Variants in CCAR2 observed in about 807,000 individuals in gnomAD.
The protein encoded by CCAR2 is cell cycle and apoptosis regulator protein 2.
Under a neutral mutation model 108.1 loss-of-function variants are expected in CCAR2, and 21 were observed. That is an observed-to-expected ratio of 0.19 (90% CI 0.14 to 0.28). The LOEUF (loss-of-function observed/expected upper bound fraction) is 0.28. Ranked by LOEUF, CCAR2 falls within the 10% of genes least tolerant of loss-of-function variation. The probability of loss-of-function intolerance (pLI) is 1.00; values close to 1 mark genes in which losing one functional copy is unlikely to be tolerated. For synonymous variants in CCAR2, 577 were observed against 472.8 expected, an observed-to-expected ratio of 1.22 and a Z score of -2.86; for missense variants, 1,126 against 1,177.0, an observed-to-expected ratio of 0.96 and a Z score of 0.63.
Position 22,619,216 on chromosome 8 carries a change from A to G in CCAR2, c.2588A>G (p.Glu863Gly), listed in dbSNP as rs1801652756. ...AAGACGCTGGCGGCAGAGATGCAGG[A>G]GCTGCGAGTCCGGCTGGCGGAGGCC... ...TNKTLAAEMQ[E>G]LRVRLAEAEE... The change falls in exon 20 of 21, where the codon GAG (glutamate) becomes GGG (glycine). Residue 863 changes from glutamate (E) to glycine (G), a missense_variant. Glu to Gly is a moderately conservative substitution (Grantham distance 98). Coordinates refer to ENST00000308511, the MANE Select transcript of CCAR2 (RefSeq NM_001393997.1). 1.3e-6 allele frequency: 2 copies of G among 1,581,466 alleles called. No individual in the cohort carries two copies. The highest frequency in any genetic ancestry group is 2.7e-5 in the African/African-American group (2 of 74,534).
chr8:22,605,766 C>T lies in CCAR2; in HGVS notation c.-8C>T. ...TCCCCACGACTCTGAAAGAGGACAGCGTTCCCAATGTCCCAGTTTAAGCGC... is the reference window on the plus strand; with the variant it reads ...TCCCCACGACTCTGAAAGAGGACAGTGTTCCCAATGTCCCAGTTTAAGCGC... On this transcript the variant is annotated 5_prime_UTR_variant, in exon 2 of 21. Transcript: ENST00000308511. The T allele has an allele frequency of 1.2e-6, 2 of 1,612,740 alleles. No individual in the cohort carries two copies. The highest frequency in any genetic ancestry group is 1.7e-6 in the Non-Finnish European group (2 of 1,178,876).
At position 22,614,518 on chromosome 8, in the gene CCAR2, G is replaced by A; in HGVS notation, c.1041+15G>A. 1 of 1,606,280 alleles carries A rather than the reference G, an allele frequency of 6.2e-7. No individual in the cohort carries two copies. The highest frequency in any genetic ancestry group is 8.5e-7 in the Non-Finnish European group (1 of 1,173,462). The stretch of plus-strand genomic sequence containing the variant: ...AGCAGATTAAGGTAAGAGCTGGAGA[G>A]CAGGAGGAGATGCATTCACGGGTAA... On this transcript the variant is annotated intron_variant, in intron 10 of 20. Transcript: ENST00000308511.
intron 7 of CCAR2, among the ~76,000 whole-genome samples, chr8:22,610,640 C>G (rs1321303134): frequency 6.6e-6 from 1 of 152,190 alleles, no homozygotes; most frequent in Non-Finnish European, 1.5e-5. Flanking sequence ...AAGAAGGCCA[C>G]TTTTGGATGG....
intron 6 of CCAR2, among the ~76,000 whole-genome samples, 183 bp from the exon 7 acceptor site, chr8:22,607,786 G>C (rs1420670584): frequency 2.6e-5 from 4 of 152,076 alleles, no homozygotes; most frequent in African/African-American, 9.7e-5. Context: ...CACCATGCCC[G>C]GCTGATTTTT....
At chr8:22,614,553 C>T (rs753585629) in intron 10 of CCAR2, 50 bp downstream of exon 10, 2 of 1,510,458 alleles carry the variant, frequency 1.3e-6, no homozygotes, top group Non-Finnish European at 1.8e-6. Context: ...ATGTGCACAA[C>T]CTGTCATGTT....
chr8:22,614,349 C>G, intron 9 of CCAR2, 35 bp downstream of exon 9: 1 of 1,613,956 alleles, frequency 6.2e-7, no homozygotes, highest in East Asian at 2.2e-5. Context: ...TATCTGATTT[C>G]TGGAGGCTGA....
At chr8:22,619,540 G>T (rs559827325) in intron 20 of CCAR2, 98 bp from the exon 21 acceptor site, 2 of 1,445,584 alleles carry the variant, frequency 1.4e-6, no homozygotes, top group Non-Finnish European at 9.5e-7. Context: ...AGTCAGCAGC[G>T]TGCAGTGGGA....
rs200631522 is a variant in CCAR2 at position 22,619,032 on chromosome 8, G to A, written c.2521+17G>A. On this transcript the variant is annotated intron_variant, in intron 19 of 20. Transcript: ENST00000308511. ...TGAAGCTGGGTGAGGGCCTGGGGCT[G>A]CAGCCACCATGGGGTCACATGCAGA... 44 of 1,610,782 alleles carry A rather than the reference G, an allele frequency of 2.7e-5. No homozygotes were observed. The African/African-American group carries it at 4.5e-4, about 17-fold the overall frequency.
chr8:22,607,427 G>A, intron 6 of CCAR2, 102 bp downstream of exon 6: 1 of 1,245,056 alleles, frequency 8.0e-7, no homozygotes, highest in African/African-American at 1.5e-5. Flanking sequence ...GTACTTCTAT[G>A]TACTGGAAGA....
chr8:22,621,506 T>G, downstream of CCAR2: 1 of 1,613,940 alleles, frequency 6.2e-7, no homozygotes, highest in Non-Finnish European at 8.5e-7. Flanking sequence ...CGGAGTGGCC[T>G]GGCTGGTCAA....
chr8:22,619,166 TTTC>T lies in CCAR2; in HGVS notation c.2540_2542del (p.Phe847del). 1 of 1,601,754 alleles carries T rather than the reference TTTC, an allele frequency of 6.2e-7. No individual in the cohort carries two copies. The highest frequency in any genetic ancestry group is 8.5e-7 in the Non-Finnish European group (1 of 1,174,490). ...ACCTTGCAGAGGAGAGCCATAACCG[TTTC>T]TCAGCCACTGAAGTAACCAATAAGA... is the stretch of plus-strand genomic sequence containing the variant. On this transcript the variant is annotated inframe_deletion, in exon 20 of 21. Transcript: ENST00000308511.
intron 8 of CCAR2, among the ~76,000 whole-genome samples, chr8:22,613,521 A>G (rs1801378086): frequency 6.6e-6 from 1 of 152,188 alleles, no homozygotes; most frequent in Non-Finnish European, 1.5e-5. Context: ...GAAATGGAGC[A>G]GCTGGCTCAA....
rs1469032567 is a variant in CCAR2 at position 22,616,200 on chromosome 8, G to A, written c.1797G>A (p.Lys599=). The change falls in exon 14 of 21, where the codon AAG becomes AAA. Residue 599 remains lysine, a synonymous_variant. Transcript: ENST00000308511. The part of the protein sequence containing the change: ...AIKEEVVKEP[K]DEAQNEGPAT... ...AAGAGGAGGTGGTCAAGGAGCCCAAGGATGAGGCACAGAATGAGGGCCCGG... is the reference window on the plus strand; with the variant it reads ...AAGAGGAGGTGGTCAAGGAGCCCAAAGATGAGGCACAGAATGAGGGCCCGG... 4 of 1,613,710 alleles carry A rather than the reference G, an allele frequency of 2.5e-6. No homozygotes were observed. Among genetic ancestry groups the A allele is most frequent in the South Asian group, 1.1e-5 (1 of 91,082 alleles).
intron 20 of CCAR2, 121 bp downstream of exon 20, chr8:22,619,476 TC>T: frequency 1.4e-6 from 2 of 1,421,654 alleles, no homozygotes; most frequent in Non-Finnish European, 1.9e-6. Context: ...GCTTCGTCTT[TC>T]CATCGCTTGC....
In CCAR2 at chr8:22,614,499, T is replaced by G; in HGVS notation, c.1037T>G (p.Ile346Ser). ...ACGCCAGAGCATCCTCTGAAGCAGA[T>G]TAAGGTAAGAGCTGGAGAGCAGGAG... Reference protein sequence around the residue: ...RETPEHPLKQIKFLLGRKEEE... With the variant: ...RETPEHPLKQSKFLLGRKEEE... The change falls in exon 10 of 21, where the codon ATT becomes AGT. Residue 346 changes from isoleucine to serine, a missense_variant. Ile to Ser is a moderately radical substitution (Grantham distance 142). Coordinates refer to ENST00000308511, the MANE Select transcript of CCAR2 (RefSeq NM_001393997.1). 1 of 1,613,636 alleles carries G rather than the reference T, an allele frequency of 6.2e-7. No homozygotes were observed. Among genetic ancestry groups the G allele is most frequent in the Non-Finnish European group, 8.5e-7 (1 of 1,179,708 alleles).
At chr8:22,615,074 C>G in intron 11 of CCAR2, 73 bp downstream of exon 11, 1 of 1,452,816 alleles carries the variant, frequency 6.9e-7, no homozygotes, top group Non-Finnish European at 9.1e-7. Context: ...AGGCCCGGTC[C>G]CTGCCCCTTT....
chr8:22,614,532 A>C (rs987963659), intron 10 of CCAR2, 29 bp downstream of exon 10: 5 of 1,574,166 alleles, frequency 3.2e-6, no homozygotes, highest in Non-Finnish European at 3.5e-6. Context: ...GAGGAGATGC[A>C]TTCACGGGTA....
At position 22,616,246 on chromosome 8, in the gene CCAR2, C is replaced by T; in HGVS notation, c.1843C>T (p.Leu615=). 6.2e-7 allele frequency: 1 copy of T among 1,611,854 alleles called. No individual in the cohort carries two copies. Among genetic ancestry groups the T allele is most frequent in the Non-Finnish European group, 8.5e-7 (1 of 1,179,724 alleles). The change falls in exon 14 of 21, where the codon CTG becomes TTG. Residue 615 remains leucine, a splice_region_variant and synonymous_variant. Coordinates refer to ENST00000308511, the MANE Select transcript of CCAR2 (RefSeq NM_001393997.1). ...EGPATESEAP[L]KEDGLLPKPL... ...CCCGGCTACAGAGTCAGAGGCCCCG[C>T]TGGTGAGTACCCTGCCACCTCGGGC...
At chr8:22,611,816 G>GTGTA (rs1188045419) in intron 7 of CCAR2, among the ~76,000 whole-genome samples, 2 of 152,068 alleles carry the variant, frequency 1.3e-5, no homozygotes, top group Non-Finnish European at 2.9e-5. Context: ...TTTCCACTAT[G>GTGTA]TGTAGTCTTT....
Sources: gnomAD v4.1 joint callset for allele counts (sites outside exome capture counted in the v4.1 genomes callset) on GRCh38, gnomAD v4.1.1 for gene constraint, MANE v1.5 for transcripts, NCBI Gene and HGNC (gene_info 2026-07-23, HGNC 2026-07-21) for gene names.